PTPRN2: variants seen among roughly 807,000 people sequenced by gnomAD.
The protein encoded by PTPRN2 is receptor-type tyrosine-protein phosphatase N2.
PTPRN2 carries 74 observed loss-of-function variants against 118.8 expected under a neutral mutation model. The ratio of observed to expected loss-of-function variants is 0.62; its 90% CI spans 0.52 to 0.76. The LOEUF (loss-of-function observed/expected upper bound fraction) is 0.76, where lower values mean the gene tolerates loss of function less well. PTPRN2 is among the 30% of genes least tolerant of loss of function. The pLI, the probability that PTPRN2 is intolerant of heterozygous loss-of-function variation, is 0.00. For synonymous variants in PTPRN2, 641 were observed against 608.0 expected, an observed-to-expected ratio of 1.05 and a Z score of -0.80; for missense variants, 1,481 against 1,394.4, an observed-to-expected ratio of 1.06 and a Z score of -0.99.
At chr7:157,816,972 G>A (rs1007164092) in intron 12 of PTPRN2, among the ~76,000 whole-genome samples, 1 of 152,360 alleles carries the variant, frequency 6.6e-6, no homozygotes, top group East Asian at 1.9e-4. Flanking sequence ...ACTGCAGATG[G>A]GCTGCCGACC....
At chr7:158,150,217 C>T (rs1820828975) in intron 6 of PTPRN2, among the ~76,000 whole-genome samples, 1 of 152,234 alleles carries the variant, frequency 6.6e-6, no homozygotes, top group Non-Finnish European at 1.5e-5. Flanking sequence ...TTCAGGAACA[C>T]TGGCCAAGGC....
At chr7:157,644,564 G>T (rs773090881) in intron 14 of PTPRN2, among the ~76,000 whole-genome samples, 1 of 152,206 alleles carries the variant, frequency 6.6e-6, no homozygotes. Flanking sequence ...TTGGGAGGCT[G>T]AGGCAGGCGG....
intron 11 of PTPRN2, among the ~76,000 whole-genome samples, chr7:157,981,878 C>A (rs529203526): frequency 6.6e-6 from 1 of 152,286 alleles, no homozygotes; most frequent in Non-Finnish European, 1.5e-5. Context: ...GCAGCCCTTA[C>A]GCCAGGTGCC....
intron 11 of PTPRN2, among the ~76,000 whole-genome samples, chr7:157,984,258 C>T (rs1187986586): frequency 1.7e-5 from 1 of 58,080 alleles, no homozygotes; most frequent in African/African-American, 5.9e-5. Flanking sequence ...CCTCCCCACG[C>T]CAGGCTCCAC....
chr7:158,074,382 ACAGGTCCT>A (rs1213467947), intron 11 of PTPRN2, among the ~76,000 whole-genome samples: 3 of 152,142 alleles, frequency 2.0e-5, no homozygotes, highest in Non-Finnish European at 4.4e-5. Context: ...TGTGTTTCTA[ACAGGTCCT>A]CTGGCCACGG....
rs982974944 is a variant in PTPRN2, at chr7:157,881,140, G to GTA, written c.1788+17531_1788+17532dup. Among the ~76,000 whole-genome samples the GTA allele has an allele frequency of 2.1e-4, 31 of 148,778 alleles. No homozygotes were observed. Among genetic ancestry groups the GTA allele is most frequent in the Non-Finnish European group, 3.4e-4 (23 of 67,950 alleles). On this transcript the variant is annotated intron_variant, in intron 12 of 22. Coordinates refer to ENST00000389418, the MANE Select transcript of PTPRN2 (RefSeq NM_002847.5). This position sits in a 1 kb window ranked among gnomAD's most constrained non-coding sequence, Gnocchi z 4.7. ...ATTATGATAAAATGAAGTCATGAGGGTATGTGGAGATGGAGGTGTTTACAG... is the reference window on the plus strand; with the variant it reads ...ATTATGATAAAATGAAGTCATGAGGGTATATGTGGAGATGGAGGTGTTTACAG...
intron 3 of PTPRN2, among the ~76,000 whole-genome samples, chr7:158,242,937 G>T (rs940364378): frequency 6.6e-6 from 1 of 152,256 alleles, no homozygotes; most frequent in Non-Finnish European, 1.5e-5. Flanking sequence ...CTGAAGATCT[G>T]TCCATTTTGT....
intron 11 of PTPRN2, among the ~76,000 whole-genome samples, chr7:158,031,875 C>T (rs974359113): frequency 1.3e-5 from 2 of 152,230 alleles, no homozygotes; most frequent in Admixed American, 6.5e-5. Flanking sequence ...TAATTACAGT[C>T]GCTGCAAAAC....
At chr7:158,291,999 GT>G (rs1365590623) in intron 3 of PTPRN2, among the ~76,000 whole-genome samples, 1 of 152,208 alleles carries the variant, frequency 6.6e-6, no homozygotes. Context: ...AGCCTGTAAT[GT>G]GAATTATTTC....
At chr7:157,954,921 G>A (rs539043101) in intron 11 of PTPRN2, among the ~76,000 whole-genome samples, 3 of 152,258 alleles carry the variant, frequency 2.0e-5, no homozygotes, top group South Asian at 2.1e-4. Context: ...ATAATAAACC[G>A]AAATACTAGA....
At chr7:158,459,624 C>A (rs1188521750) in intron 2 of PTPRN2, among the ~76,000 whole-genome samples, 1 of 152,226 alleles carries the variant, frequency 6.6e-6, no homozygotes, top group Non-Finnish European at 1.5e-5. Flanking sequence ...CTGTGTGTCA[C>A]AGGATCTCCC....
intron 12 of PTPRN2, among the ~76,000 whole-genome samples, chr7:157,791,119 G>A (rs1482524175): frequency 6.6e-6 from 1 of 152,208 alleles, no homozygotes; most frequent in East Asian, 1.9e-4. Flanking sequence ...GTATGTGTAT[G>A]AGAACAGTCA....
At chr7:157,937,132 G>A (rs1490653875) in intron 11 of PTPRN2, among the ~76,000 whole-genome samples, 1 of 152,180 alleles carries the variant, frequency 6.6e-6, no homozygotes, top group Non-Finnish European at 1.5e-5. Context: ...CCGTGGGTCT[G>A]ACAATATCTT....
intron 1 of PTPRN2, chr7:158,539,470 C>G (rs1328356232): frequency 2.6e-5 from 4 of 152,432 alleles, no homozygotes; most frequent in African/African-American, 9.6e-5. Context: ...GGCCCAGCAC[C>G]GGACTCCTGT....
intron 17 of PTPRN2, among the ~76,000 whole-genome samples, chr7:157,589,694 G>A (rs1267127329): frequency 6.6e-6 from 1 of 152,306 alleles, no homozygotes; most frequent in African/African-American, 2.4e-5. Flanking sequence ...AGCCAAACTC[G>A]TGTTCCTAAT....
At position 157,990,120 on chromosome 7, in the gene PTPRN2, C is replaced by T. The variant is rs1297559042; in HGVS notation, c.1723+91178G>A. 6.6e-6 allele frequency among the ~76,000 whole-genome samples: 1 copy of T among 152,042 alleles called. No individual in the cohort carries two copies. The highest frequency in any genetic ancestry group is 1.5e-5 in the Non-Finnish European group (1 of 68,018). On this transcript the variant is annotated intron_variant, in intron 11 of 22. Coordinates refer to ENST00000389418, the MANE Select transcript of PTPRN2 (RefSeq NM_002847.5). The surrounding 1 kb of genome is among the most constrained non-coding windows in gnomAD (Gnocchi z 4.3). ...TTGCTCTTCTGCGCTCCAAATACACCGAGACGAAAACAAGCCCAGGTGAAG... is the reference window on the plus strand; with the variant it reads ...TTGCTCTTCTGCGCTCCAAATACACTGAGACGAAAACAAGCCCAGGTGAAG...
At chr7:158,516,246 G>A (rs76940751) in intron 1 of PTPRN2, among the ~76,000 whole-genome samples, 2,047 of 152,342 alleles carry the variant, frequency 0.013, 23 homozygotes, top group Non-Finnish European at 0.02. Context: ...TTGGAAGGCT[G>A]AGGTGGAAGG....
At chr7:158,049,199 T>TATCATC (rs985542467) in intron 11 of PTPRN2, among the ~76,000 whole-genome samples, 1 of 150,254 alleles carries the variant, frequency 6.7e-6, no homozygotes, top group Non-Finnish European at 1.5e-5. Flanking sequence ...ACAGCATCAC[T>TATCATC]ATCATCATCA....
chr7:158,256,582 G>C (rs1009876193), intron 3 of PTPRN2, among the ~76,000 whole-genome samples: 3 of 151,996 alleles, frequency 2.0e-5, no homozygotes, highest in East Asian at 1.9e-4. Flanking sequence ...TGGCGGGGGC[G>C]GGGGGGAACC....
Sources: allele counts gnomAD v4.1 joint callset (sites outside exome capture counted in the v4.1 genomes callset), GRCh38; gene constraint gnomAD v4.1.1; non-coding constraint Gnocchi (gnomAD v3.1); transcripts MANE v1.5; gene names NCBI Gene and HGNC (gene_info 2026-07-23, HGNC 2026-07-21).